Variants in DNAAF11 observed in about 807,000 individuals in gnomAD.
DNAAF11 encodes dynein axonemal assembly factor 11, also known as leucine rich repeat containing 6.
DNAAF11 carries 45 observed loss-of-function variants against 60.8 expected under a neutral mutation model. The ratio of observed to expected loss-of-function variants is 0.74; its 90% CI spans 0.58 to 0.95. The LOEUF is 0.95. Ranked by LOEUF, DNAAF11 falls within the 40% of genes least tolerant of loss-of-function variation. The pLI is 0.00. For missense variants in DNAAF11, 546 were observed against 546.2 expected (o/e 1.00, Z 0.00); for synonymous variants, 191 against 183.5 (o/e 1.04, Z -0.33).
At chr8:132,660,701 C>G (rs1824051366) in intron 2 of DNAAF11, among the ~76,000 whole-genome samples, 1 of 152,098 alleles carries the variant, frequency 6.6e-6, no homozygotes, top group South Asian at 2.1e-4. Context: ...CTGAGCATGC[C>G]CAGTCCTACC....
chr8:132,670,787 G>T (rs1178138311), intron 1 of DNAAF11, among the ~76,000 whole-genome samples: 1 of 152,138 alleles, frequency 6.6e-6, no homozygotes, highest in Non-Finnish European at 1.5e-5. Flanking sequence ...GTTATCCAAT[G>T]TATACGAGGT....
At chr8:132,649,951 A>T (rs527659483) in intron 3 of DNAAF11, among the ~76,000 whole-genome samples, 1 of 152,222 alleles carries the variant, frequency 6.6e-6, no homozygotes, top group African/African-American at 2.4e-5. Context: ...ATTGTGGAAG[A>T]CAGTGTGGTG....
chr8:132,579,847 A>G (rs1815138330), intron 11 of DNAAF11, among the ~76,000 whole-genome samples: 3 of 152,100 alleles, frequency 2.0e-5, no homozygotes, highest in Non-Finnish European at 4.4e-5. Flanking sequence ...ATACCAAAAA[A>G]TTAGCTGGGC....
chr8:132,578,587 CACT>C (rs1233365101), intron 11 of DNAAF11: 5 of 857,336 alleles, frequency 5.8e-6, no homozygotes, highest in Non-Finnish European at 9.2e-6. Flanking sequence ...TAAAATTAAT[CACT>C]AAGTGCAAAA....
intron 3 of DNAAF11, among the ~76,000 whole-genome samples, chr8:132,652,592 C>T (rs1229150417): frequency 6.6e-6 from 1 of 152,078 alleles, no homozygotes; most frequent in Non-Finnish European, 1.5e-5. Flanking sequence ...ACATATACAC[C>T]ATGGAATACT....
At chr8:132,593,332 C>CATACATATATATAT (rs577618316) in intron 10 of DNAAF11, among the ~76,000 whole-genome samples, 193 of 108,692 alleles carry the variant, frequency 1.8e-3, no homozygotes, top group Non-Finnish European at 2.9e-3. Context: ...TATATACATA[C>CATACATATATATAT]ATATATATAT....
At chr8:132,661,294 A>T (rs1471101112) in intron 2 of DNAAF11, among the ~76,000 whole-genome samples, 166 bp downstream of exon 2, 2 of 152,138 alleles carry the variant, frequency 1.3e-5, no homozygotes, top group Non-Finnish European at 2.9e-5. Flanking sequence ...TACACACAGA[A>T]ATGTTCAGGG....
intron 8 of DNAAF11, 102 bp downstream of exon 8, chr8:132,614,936 G>T: frequency 1.5e-6 from 1 of 675,932 alleles, no homozygotes; most frequent in Non-Finnish European, 2.6e-6. Context: ...TTAACTATAG[G>T]TCTAAGTCAA....
intron 7 of DNAAF11, among the ~76,000 whole-genome samples, chr8:132,615,684 C>T (rs949102524): frequency 1.3e-5 from 2 of 152,162 alleles, no homozygotes; most frequent in African/African-American, 4.8e-5. Context: ...AATGCCTTTA[C>T]ACTTTCTCTG....
At position 132,573,133 on chromosome 8, in the gene DNAAF11, T is replaced by C. The variant is rs1814388456; in HGVS notation, c.1227-653A>G. ...ATAGATACAGATATAGATATAGATA[T>C]AGATATAGATGTAGATAATCAGGTC... On this transcript the variant is annotated intron_variant, in intron 11 of 11. Coordinates refer to ENST00000620350, the MANE Select transcript of DNAAF11 (RefSeq NM_012472.6). Among the ~76,000 whole-genome samples, 7 of 152,172 alleles carry C rather than the reference T, an allele frequency of 4.6e-5. No individual in the cohort carries two copies. In the South Asian group the frequency reaches 1.4e-3, roughly 31 times the overall value.
chr8:132,690,032 C>T, the DNAAF11 span, among the ~76,000 whole-genome samples: 5 of 152,228 alleles, frequency 3.3e-5, no homozygotes, highest in Admixed American at 6.5e-5. Context: ...TTAAAAACTG[C>T]TTAATATGCA....
At chr8:132,578,472 C>G (rs13281184) in intron 11 of DNAAF11, 1 of 1,534,260 alleles carries the variant, frequency 6.5e-7, no homozygotes, top group Non-Finnish European at 8.7e-7. Flanking sequence ...GTCTTACCCA[C>G]GACCTGACTG....
At chr8:132,588,863 A>G (rs1041203712) in intron 10 of DNAAF11, among the ~76,000 whole-genome samples, 3 of 152,076 alleles carry the variant, frequency 2.0e-5, no homozygotes, top group African/African-American at 7.2e-5. Context: ...CATGTCTCAT[A>G]TGGCAGGAGT....
chr8:132,695,537 A>G, the DNAAF11 span, among the ~76,000 whole-genome samples: 1 of 152,096 alleles, frequency 6.6e-6, no homozygotes, highest in Admixed American at 6.6e-5. Flanking sequence ...AATTGTTTCT[A>G]TTTTCTCAGT....
chr8:132,678,726 C>G (rs1487328091), upstream of DNAAF11, among the ~76,000 whole-genome samples: 2 of 148,284 alleles, frequency 1.3e-5, no homozygotes, highest in African/African-American at 4.9e-5. Flanking sequence ...GGACTTTTAT[C>G]AAGAATAAAA....
chr8:132,631,247 A>G (rs1820767359), intron 5 of DNAAF11, among the ~76,000 whole-genome samples: 1 of 152,200 alleles, frequency 6.6e-6, no homozygotes, highest in Non-Finnish European at 1.5e-5. Context: ...GTGCATGGCC[A>G]TCCAAAGAGG....
At chr8:132,598,204 G>A (rs566820642) in intron 10 of DNAAF11, among the ~76,000 whole-genome samples, 4 of 152,242 alleles carry the variant, frequency 2.6e-5, no homozygotes, top group South Asian at 2.1e-4. Flanking sequence ...TGTCTTTGTC[G>A]TTATTATTAA....
At chr8:132,604,373 A>G (rs1817935071) in intron 10 of DNAAF11, among the ~76,000 whole-genome samples, 1 of 152,188 alleles carries the variant, frequency 6.6e-6, no homozygotes, top group South Asian at 2.1e-4. Context: ...TGCTCAGTAT[A>G]AACAGAATTA....
At position 132,610,278 on chromosome 8, in the gene DNAAF11, A is replaced by G; in HGVS notation, c.1045-17T>C. 3.8e-6 allele frequency: 6 copies of G among 1,562,954 alleles called. No individual in the cohort carries two copies. The highest frequency in any genetic ancestry group is 5.3e-6 in the Non-Finnish European group (6 of 1,133,510). On this transcript the variant is annotated splice_polypyrimidine_tract_variant and intron_variant, in intron 9 of 11. Transcript: ENST00000620350. Reference sequence around the variant, plus strand: ...CTGAAATGGCTGAAAATAAGTAGAAAGAAAGTATCATTGAGAGCAAGGACG... The same window carrying G: ...CTGAAATGGCTGAAAATAAGTAGAAGGAAAGTATCATTGAGAGCAAGGACG...
Sources: gnomAD v4.1 joint callset for allele counts (sites outside exome capture counted in the v4.1 genomes callset) on GRCh38, gnomAD v4.1.1 for gene constraint, MANE v1.5 for transcripts, NCBI Gene and HGNC (gene_info 2026-07-23, HGNC 2026-07-21) for gene names.